The following LIMCH1 variants were observed in gnomAD, a reference collection of about 807,000 sequenced individuals.
The protein encoded by LIMCH1 is LIM and calponin homology domains-containing protein 1.
A neutral mutation model predicts 176.5 loss-of-function variants in LIMCH1; 113 were observed. The observed-to-expected ratio is 0.64, with a 90% confidence interval of 0.55 to 0.75. The LOEUF (loss-of-function observed/expected upper bound fraction) is 0.75, where lower values mean the gene tolerates loss of function less well. Ranked by LOEUF, LIMCH1 falls within the 30% of genes least tolerant of loss-of-function variation. The probability of loss-of-function intolerance (pLI) is 0.00; values close to 1 mark genes in which losing one functional copy is unlikely to be tolerated. For missense variants in LIMCH1, 1,674 were observed against 1,814.9 expected, an observed-to-expected ratio of 0.92 and a Z score of 1.41; for synonymous variants, 619 against 645.9, an observed-to-expected ratio of 0.96 and a Z score of 0.63.
intron 1 of LIMCH1, among the ~76,000 whole-genome samples, chr4:41,377,931 C>T (rs1002618573): frequency 1.3e-5 from 2 of 152,152 alleles, no homozygotes; most frequent in Non-Finnish European, 2.9e-5. Context: ...AAATCACCTC[C>T]CAAAGGTTCT....
intron 1 of LIMCH1, among the ~76,000 whole-genome samples, chr4:41,458,695 A>C (rs62411123): frequency 0.11 from 16,345 of 149,824 alleles, 973 homozygotes; most frequent in African/African-American, 0.15. Flanking sequence ...AATGGCGTGA[A>C]CCTGGGGGGC....
chr4:41,600,262 T>C (rs2089681225), intron 2 of LIMCH1, among the ~76,000 whole-genome samples: 1 of 152,250 alleles, frequency 6.6e-6, no homozygotes. Flanking sequence ...AACCTCATCT[T>C]GGTCATCACA....
At chr4:41,418,600 C>T (rs1319133013) in intron 1 of LIMCH1, 1 of 151,908 alleles carries the variant, frequency 6.6e-6, no homozygotes, top group Non-Finnish European at 1.5e-5. Flanking sequence ...GCACCTGCGC[C>T]TTGTTGCCTG....
chr4:41,387,904 G>A (rs556169904), intron 1 of LIMCH1, among the ~76,000 whole-genome samples: 67 of 152,120 alleles, frequency 4.4e-4, no homozygotes, highest in Non-Finnish European at 7.9e-4. Context: ...GAGCTCAGGA[G>A]TTTGAGACCA....
chr4:41,440,504 A>C (rs2062582893), intron 1 of LIMCH1, among the ~76,000 whole-genome samples: 1 of 152,130 alleles, frequency 6.6e-6, no homozygotes, highest in Admixed American at 6.5e-5. Flanking sequence ...TGTTCTATAA[A>C]ATACAGAAAA....
At chr4:41,679,628 G>A (rs1403986571) in intron 23 of LIMCH1, among the ~76,000 whole-genome samples, 3 of 151,890 alleles carry the variant, frequency 2.0e-5, no homozygotes, top group Admixed American at 1.3e-4. Context: ...CACTCTCCTC[G>A]CAGCAATGCA....
chr4:41,467,156 T>TACAC (rs764604409), intron 1 of LIMCH1, among the ~76,000 whole-genome samples: 205 of 100,300 alleles, frequency 2.0e-3, no homozygotes, highest in Non-Finnish European at 2.6e-3. Flanking sequence ...TGTATGTATA[T>TACAC]ATACACACAC....
At chr4:41,631,538 G>A in intron 10 of LIMCH1, 61 bp downstream of exon 10, 1 of 1,333,876 alleles carries the variant, frequency 7.5e-7, no homozygotes, top group Non-Finnish European at 1.0e-6. Context: ...CTTTTGTAGA[G>A]TTTGCTGAAG....
chr4:41,605,088 C>T (rs1405937415), intron 3 of LIMCH1, among the ~76,000 whole-genome samples: 1 of 152,134 alleles, frequency 6.6e-6, no homozygotes, highest in Admixed American at 6.5e-5. Flanking sequence ...CTTCAGCTGA[C>T]TCTGCTGGGT....
chr4:41,477,769 C>A lies in LIMCH1; in HGVS notation c.97-16767C>A, dbSNP rs527371199. Among the ~76,000 whole-genome samples the A allele has an allele frequency of 6.6e-5, 10 of 152,196 alleles. No homozygotes were observed. In the East Asian group the frequency reaches 1.9e-3, roughly 29 times the overall value. On this transcript the variant is annotated intron_variant, in intron 1 of 26. Coordinates refer to the LIMCH1 transcript ENST00000313860. The stretch of plus-strand genomic sequence containing the variant: ...AGGGGCACTGCGGTCAGTCCCAGCC[C>A]CAGGTGCCACTGAGAGCCATTCAAA...
At chr4:41,364,366 C>T (rs1285129590) in intron 1 of LIMCH1, among the ~76,000 whole-genome samples, 1 of 118,768 alleles carries the variant, frequency 8.4e-6, no homozygotes, top group Non-Finnish European at 1.7e-5. Context: ...ACTACTACTG[C>T]TATTGCTATT....
chr4:41,390,495 A>G (rs1238946878), intron 1 of LIMCH1, among the ~76,000 whole-genome samples: 1 of 152,206 alleles, frequency 6.6e-6, no homozygotes, highest in Non-Finnish European at 1.5e-5. Context: ...GCATCAAGGC[A>G]CCTAGGCTTT....
At chr4:41,452,831 C>T (rs1251571741) in intron 1 of LIMCH1, among the ~76,000 whole-genome samples, 2 of 152,148 alleles carry the variant, frequency 1.3e-5, no homozygotes, top group Non-Finnish European at 2.9e-5. Flanking sequence ...TTTTAATATT[C>T]ACCATGTCTT....
chr4:41,434,861 G>T (rs1212494156), intron 1 of LIMCH1, among the ~76,000 whole-genome samples: 2 of 152,196 alleles, frequency 1.3e-5, no homozygotes, highest in Admixed American at 1.3e-4. Flanking sequence ...ACTGAGCATG[G>T]TGTCTAAAAA....
chr4:41,438,922 T>G (rs1404773727), intron 1 of LIMCH1, among the ~76,000 whole-genome samples: 5 of 152,182 alleles, frequency 3.3e-5, no homozygotes, highest in Admixed American at 2.0e-4. Context: ...TCCTGTAATG[T>G]ACAATGCCAT....
In LIMCH1 at chr4:41,396,010, G is replaced by A. The variant is rs74325727; in HGVS notation, c.96+35074G>A. On this transcript the variant is annotated intron_variant, in intron 1 of 26. Transcript: ENST00000313860. ...GCAGAGACCTGAAAGGAATGAGGGC[G>A]AAAGCCATAAGAACACCTGGGAGAA... is the stretch of plus-strand genomic sequence containing the variant. 7.6e-3 allele frequency among the ~76,000 whole-genome samples: 1,158 copies of A among 152,276 alleles called. 18 individuals carry two copies. The highest frequency in any genetic ancestry group is 0.027 in the African/African-American group (1,102 of 41,542).
Position 41,489,261 on chromosome 4 carries a change from C to T in LIMCH1, c.97-5275C>T, listed in dbSNP as rs957293447. On this transcript the variant is annotated intron_variant, in intron 1 of 26. Coordinates refer to the LIMCH1 transcript ENST00000313860. ...AAATTTTATTGATCTCACAAAACCC[C>T]CCACCAGCTTTTGGTTTCTTTGATT... Among the ~76,000 whole-genome samples, 7 of 152,090 alleles carry T rather than the reference C, an allele frequency of 4.6e-5. No homozygotes were observed. In the East Asian group the frequency reaches 1.3e-3, roughly 29 times the overall value.
chr4:41,626,915 C>G lies in LIMCH1; in HGVS notation c.933C>G (p.Leu311=). 1 of 1,536,130 alleles carries G rather than the reference C, an allele frequency of 6.5e-7. No individual in the cohort carries two copies. The highest frequency in any genetic ancestry group is 8.7e-7 in the Non-Finnish European group (1 of 1,146,916). Residue 311 remains leucine (L), a synonymous_variant, in exon 8 of 32, where the codon CTC becomes CTG. Coordinates refer to ENST00000503057, the MANE Select transcript of LIMCH1 (RefSeq NM_001330672.2). ...CAATGGTGCCATTAAATCAACTCCT[C>G]TATGGCCCTTATCCAAAGAAAGGGG... The part of the protein sequence containing the change: ...TKPMVPLNQL[L]YGPYPKKGAE...
chr4:41,602,883 A>T (rs891875267), intron 2 of LIMCH1, among the ~76,000 whole-genome samples: 2 of 151,894 alleles, frequency 1.3e-5, no homozygotes, highest in East Asian at 3.9e-4. Context: ...CCTATTAAAA[A>T]CAGAAACATG....
Sources: allele counts gnomAD v4.1 joint callset (sites outside exome capture counted in the v4.1 genomes callset), GRCh38; gene constraint gnomAD v4.1.1; transcripts MANE v1.5; gene names NCBI Gene and HGNC (gene_info 2026-07-23, HGNC 2026-07-21).